OR1J2: variants seen among roughly 807,000 people sequenced by gnomAD.
OR1J2 encodes olfactory receptor family 1 subfamily J member 2.
For missense variants in OR1J2, 304 were observed against 246.1 expected (o/e 1.24, Z -1.57); for synonymous variants, 142 against 99.7 (o/e 1.42, Z -2.52).
the OR1J2 span, among the ~76,000 whole-genome samples, chr9:122,456,650 T>A: frequency 2.6e-5 from 4 of 152,090 alleles, no homozygotes; most frequent in Non-Finnish European, 4.4e-5. Context: ...ATTAGAGAAA[T>A]GCAAATCAAA....
chr9:122,542,487 C>G, the OR1J2 span, among the ~76,000 whole-genome samples: 1 of 152,096 alleles, frequency 6.6e-6, no homozygotes, highest in African/African-American at 2.4e-5. Context: ...TTCAACAGAA[C>G]TAGTAGTTTC....
At chr9:122,557,123 A>G in the OR1J2 span, among the ~76,000 whole-genome samples, 1 of 152,114 alleles carries the variant, frequency 6.6e-6, no homozygotes, top group African/African-American at 2.4e-5. Context: ...TAGTTCCAGA[A>G]GAGATTTTTG....
At chr9:122,545,860 A>T in the OR1J2 span, among the ~76,000 whole-genome samples, 6 of 152,066 alleles carry the variant, frequency 3.9e-5, no homozygotes, top group Admixed American at 2.0e-4. Flanking sequence ...TATGAATAAT[A>T]TTAATATAAT....
chr9:122,494,913 G>A, the OR1J2 span, among the ~76,000 whole-genome samples: 3 of 152,208 alleles, frequency 2.0e-5, no homozygotes, highest in Admixed American at 2.0e-4. Context: ...TGTTTGCCTG[G>A]AAAAGATTGT....
At chr9:122,521,608 C>T in the OR1J2 span, among the ~76,000 whole-genome samples, 13 of 152,290 alleles carry the variant, frequency 8.5e-5, no homozygotes, top group African/African-American at 2.9e-4. Context: ...GGCTTAGCCC[C>T]GACCTTTTCC....
chr9:122,535,965 T>C, the OR1J2 span, among the ~76,000 whole-genome samples: 1 of 152,090 alleles, frequency 6.6e-6, no homozygotes, highest in East Asian at 1.9e-4. Context: ...AGGGGAGCTT[T>C]TGAGCCAGGA....
the OR1J2 span, among the ~76,000 whole-genome samples, chr9:122,566,861 C>G: frequency 1.3e-5 from 2 of 152,088 alleles, no homozygotes; most frequent in African/African-American, 4.8e-5. Context: ...ATGTTTCAAC[C>G]TCCCCTGTGT....
At chr9:122,493,654 A>T in the OR1J2 span, among the ~76,000 whole-genome samples, 1 of 151,788 alleles carries the variant, frequency 6.6e-6, no homozygotes, top group African/African-American at 2.4e-5. Flanking sequence ...AATAACCAGC[A>T]TTTTGTTTTA....
At chr9:122,455,516 C>A in the OR1J2 span, among the ~76,000 whole-genome samples, 1 of 152,140 alleles carries the variant, frequency 6.6e-6, no homozygotes, top group Non-Finnish European at 1.5e-5. Flanking sequence ...GATGCCTATT[C>A]ATGTTCTTTA....
the OR1J2 span, among the ~76,000 whole-genome samples, chr9:122,492,576 GTGCT>G: frequency 6.6e-6 from 1 of 152,130 alleles, no homozygotes; most frequent in Non-Finnish European, 1.5e-5. Flanking sequence ...AATCTACAAA[GTGCT>G]TTCCACAGTG....
At chr9:122,472,271 C>A in the OR1J2 span, among the ~76,000 whole-genome samples, 1 of 152,208 alleles carries the variant, frequency 6.6e-6, no homozygotes, top group African/African-American at 2.4e-5. Context: ...AAAGATAATT[C>A]ATACCAGGGC....
chr9:122,457,814 T>G, the OR1J2 span, among the ~76,000 whole-genome samples: 1 of 152,182 alleles, frequency 6.6e-6, no homozygotes, highest in African/African-American at 2.4e-5. Context: ...ATTTTTTGTT[T>G]GCGACTTATT....
At chr9:122,449,726 G>C in the OR1J2 span, among the ~76,000 whole-genome samples, 7 of 152,034 alleles carry the variant, frequency 4.6e-5, no homozygotes, top group Admixed American at 2.0e-4. Flanking sequence ...TCAATTACTA[G>C]CAATTGCTGG....
At chr9:122,465,196 A>G in the OR1J2 span, among the ~76,000 whole-genome samples, 9 of 152,168 alleles carry the variant, frequency 5.9e-5, no homozygotes, top group Non-Finnish European at 1.0e-4. Flanking sequence ...GCCAGTCTCA[A>G]GAAAAATTTT....
the OR1J2 span, among the ~76,000 whole-genome samples, chr9:122,578,954 A>C: frequency 7.1e-6 from 1 of 141,624 alleles, no homozygotes; most frequent in Non-Finnish European, 1.5e-5. Flanking sequence ...ATTAAAAAAA[A>C]TTCTGAAAAA....
the OR1J2 span, among the ~76,000 whole-genome samples, chr9:122,456,619 A>G: frequency 1.3e-5 from 2 of 152,244 alleles, no homozygotes; most frequent in African/African-American, 2.4e-5. Context: ...TAGAAAAGTC[A>G]CTAATCCAAC....
downstream of OR1J2, chr9:122,511,816 C>T: frequency 2.7e-6 from 2 of 744,152 alleles, no homozygotes; most frequent in East Asian, 2.5e-5. Flanking sequence ...TTGAATATGT[C>T]TCAAAACATG....
At chr9:122,516,030 A>G (rs887224593), downstream of OR1J2, among the ~76,000 whole-genome samples, 1 of 152,140 alleles carries the variant, frequency 6.6e-6, no homozygotes, top group Admixed American at 6.5e-5. Context: ...GTGTTTTTAT[A>G]GACCTTACCT....
chr9:122,552,353 C>G, the OR1J2 span, among the ~76,000 whole-genome samples: 1 of 152,178 alleles, frequency 6.6e-6, no homozygotes, highest in African/African-American at 2.4e-5. Context: ...TTCACCTTCC[C>G]TCCCTCTGGT....
Sources: allele counts gnomAD v4.1 joint callset (sites outside exome capture counted in the v4.1 genomes callset), GRCh38; gene constraint gnomAD v4.1.1; transcripts MANE v1.5; gene names NCBI Gene and HGNC (gene_info 2026-07-23, HGNC 2026-07-21).